DHRS11: variants seen among roughly 807,000 people sequenced by gnomAD.
DHRS11 encodes dehydrogenase/reductase 11.
Under a neutral mutation model 30.7 loss-of-function variants are expected in DHRS11, and 18 were observed. That is an observed-to-expected ratio of 0.59 (90% CI 0.41 to 0.87). The LOEUF (loss-of-function observed/expected upper bound fraction) is 0.87. Ranked by LOEUF, DHRS11 falls within the 40% of genes least tolerant of loss-of-function variation. DHRS11 has a pLI of 0.00. For synonymous variants in DHRS11, 123 were observed against 139.6 expected, an observed-to-expected ratio of 0.88 and a Z score of 0.84; for missense variants, 300 against 349.0, an observed-to-expected ratio of 0.86 and a Z score of 1.12.
chr17:36,596,541 C>T lies in DHRS11; in HGVS notation c.357+1361C>T, dbSNP rs8080384. The T allele has an allele frequency of 8.8e-3, 1,884 of 214,354 alleles. 27 individuals carry two copies. The highest frequency in any genetic ancestry group is 0.04 in the African/African-American group (1,737 of 43,334). The allele number at this position is 214,354 out of a possible 1,614,324, so 13.3% of individuals were successfully genotyped here. A position where few individuals can be genotyped will look rare whatever the true frequency, so the allele number is the denominator to read the frequency against. On this transcript the variant is annotated intron_variant, in intron 2 of 6. Transcript: ENST00000618403. ...ACTCCCATTCACTAAAATGACAGCT[C>T]CATGAGGGCAAGTATTTTATCTGTT...
chr17:36,593,198 C>T (rs1257077977), intron 1 of DHRS11, among the ~76,000 whole-genome samples: 1 of 152,190 alleles, frequency 6.6e-6, no homozygotes, highest in Admixed American at 6.5e-5. Context: ...TGCCTTCTCA[C>T]CTACTCCCCT....
rs1331053366 is a variant in DHRS11 at position 36,594,726 on chromosome 17, TTA to T, written c.148-242_148-241del. On this transcript the variant is annotated intron_variant, in intron 1 of 6. Transcript: ENST00000618403. ...CACCACGCCCAGCCAGGACTTGAGT[TTA>T]TAGTGAGGTTTCTCCATTGATAACA... 7 of 583,158 alleles carry T rather than the reference TTA, an allele frequency of 1.2e-5. No homozygotes were observed. The Admixed American group carries it at 2.1e-4, about 17-fold the overall frequency. 36.1% of individuals were successfully genotyped at this position (583,158 alleles called of 1,614,324 possible).
intron 2 of DHRS11, 132 bp from the exon 3 acceptor site, chr17:36,598,031 C>T: frequency 1.2e-6 from 1 of 858,722 alleles, no homozygotes; most frequent in South Asian, 1.4e-5. Flanking sequence ...GTGCCTGTGG[C>T]TGGTCTCCGG....
At chr17:36,594,332 G>A (rs888428817) in intron 1 of DHRS11, among the ~76,000 whole-genome samples, 2 of 152,142 alleles carry the variant, frequency 1.3e-5, no homozygotes, top group African/African-American at 4.8e-5. Flanking sequence ...TATTACCTAT[G>A]GGCAGAAGAG....
chr17:36,593,952 C>T (rs376274787), intron 1 of DHRS11, among the ~76,000 whole-genome samples: 1 of 152,364 alleles, frequency 6.6e-6, no homozygotes, highest in African/African-American at 2.4e-5. Context: ...CTCAGTGGCT[C>T]TGCCTTCTCA....
intron 4 of DHRS11, 108 bp from the exon 5 acceptor site, chr17:36,599,563 G>C (rs567201307): frequency 2.7e-6 from 3 of 1,127,986 alleles, no homozygotes; most frequent in Non-Finnish European, 2.6e-6. Flanking sequence ...CGGATATCAG[G>C]CAGCCATCAC....
At chr17:36,597,117 A>G (rs780612854) in intron 2 of DHRS11, 58 of 272,548 alleles carry the variant, frequency 2.1e-4, no homozygotes, top group Non-Finnish European at 3.4e-4. Flanking sequence ...CAGGGGATCT[A>G]TTTCTCCCAC....
rs1264083576 is a variant in DHRS11, at chr17:36,591,904, A to C, written c.-106A>C. On this transcript the variant is annotated 5_prime_UTR_variant, in exon 1 of 7. Coordinates refer to ENST00000618403, the MANE Select transcript of DHRS11 (RefSeq NM_024308.4). ...GGGACTCTGGTGGGTCTAGGCGCGG[A>C]TCGGACCCAAGCAGGTCGGCGGCGG... 11 of 1,150,922 alleles carry C rather than the reference A, an allele frequency of 9.6e-6. No homozygotes were observed. The highest frequency in any genetic ancestry group is 3.4e-5 in the East Asian group (1 of 29,172). The allele number at this position is 1,150,922 out of a possible 1,614,324, so 71.3% of individuals were successfully genotyped here. A position where few individuals can be genotyped will look rare whatever the true frequency, so the allele number is the denominator to read the frequency against.
intron 1 of DHRS11, chr17:36,594,513 A>C (rs2074793413): frequency 5.0e-6 from 1 of 200,954 alleles, no homozygotes; most frequent in Admixed American, 5.2e-5. Context: ...AGCTCCTGCA[A>C]CCTCCGCCTC....
intron 1 of DHRS11, among the ~76,000 whole-genome samples, chr17:36,593,597 G>A (rs1289726693): frequency 6.6e-6 from 1 of 152,200 alleles, no homozygotes; most frequent in Non-Finnish European, 1.5e-5. Context: ...GAAAACTCCT[G>A]TTTCCTGAAG....
intron 4 of DHRS11, chr17:36,599,426 G>A: frequency 1.7e-6 from 1 of 579,186 alleles, no homozygotes; most frequent in South Asian, 2.2e-5. Flanking sequence ...TTGTGAAAAG[G>A]AGATGATGAG....
At chr17:36,599,213 C>A in intron 4 of DHRS11, 163 bp downstream of exon 4, 2 of 1,090,950 alleles carry the variant, frequency 1.8e-6, no homozygotes, top group Non-Finnish European at 2.5e-6. Context: ...CCCTATGCAG[C>A]CCTTCATTTC....
Position 36,600,240 on chromosome 17 carries a change from A to T in DHRS11, c.*37A>T. ...GCTCCTCCTTCCCTCCCCACCCTTC[A>T]TGGCTTGCCTCCTGCCTCTGGATTT... On this transcript the variant is annotated 3_prime_UTR_variant, in exon 7 of 7. Coordinates refer to ENST00000618403, the MANE Select transcript of DHRS11 (RefSeq NM_024308.4). The T allele has an allele frequency of 3.1e-6, 5 of 1,613,452 alleles. No individual in the cohort carries two copies. Among genetic ancestry groups the T allele is most frequent in the Non-Finnish European group, 4.2e-6 (5 of 1,179,590 alleles).
At position 36,600,013 on chromosome 17, in the gene DHRS11, C is replaced by T. The variant is rs766250459; in HGVS notation, c.717C>T (p.Val239=). Residue 239 remains valine, a synonymous_variant, in exon 6 of 7, where the codon GTC becomes GTT. Transcript: ENST00000618403. ...ATGTGGCCGAGGCTGTTATCTACGTCCTCAGCACCCCCGCACACATCCAGG... is the reference window on the plus strand; with the variant it reads ...ATGTGGCCGAGGCTGTTATCTACGTTCTCAGCACCCCCGCACACATCCAGG... ...PEDVAEAVIY[V]LSTPAHIQIG... 6.2e-7 allele frequency: 1 copy of T among 1,613,870 alleles called. No homozygotes were observed. Among genetic ancestry groups the T allele is most frequent in the Non-Finnish European group, 8.5e-7 (1 of 1,179,944 alleles).
intron 2 of DHRS11, among the ~76,000 whole-genome samples, chr17:36,595,668 C>T (rs1047398402): frequency 2.4e-4 from 36 of 152,088 alleles, no homozygotes; most frequent in African/African-American, 8.2e-4. Flanking sequence ...GGTGATCTGC[C>T]CATGTTGGCC....
intron 4 of DHRS11, 46 bp downstream of exon 4, chr17:36,599,096 C>T (rs2074835248): frequency 1.3e-6 from 2 of 1,591,952 alleles, no homozygotes; most frequent in Admixed American, 1.7e-5. Context: ...GGCGCAGGCC[C>T]TCCCCACCCA....
rs936767389 is a variant in DHRS11, at chr17:36,600,804, A to G, written c.*601A>G. On this transcript the variant is annotated 3_prime_UTR_variant, in exon 7 of 7. Transcript: ENST00000618403. ...CATTAAAAAAGAAAAATCGCAACCA[A>G]TCTGCCTTGGCTTCAGGAGTGTCTT... The G allele has an allele frequency of 8.4e-5, 13 of 154,470 alleles. No homozygotes were observed. The highest frequency in any genetic ancestry group is 1.3e-4 in the Admixed American group (2 of 15,554). 9.6% of individuals were successfully genotyped at this position (154,470 alleles called of 1,614,324 possible).
At chr17:36,598,472 G>GCCTGGGGCCTCT in intron 3 of DHRS11, 1 of 588,056 alleles carries the variant, frequency 1.7e-6, no homozygotes, top group Non-Finnish European at 3.0e-6. Flanking sequence ...TACAGCTGAA[G>GCCTGGGGCCTCT]CCTGGGGCCT....
At chr17:36,599,507 A>G in intron 4 of DHRS11, 164 bp from the exon 5 acceptor site, 1 of 653,678 alleles carries the variant, frequency 1.5e-6, no homozygotes, top group Non-Finnish European at 2.7e-6. Context: ...GGTAGGTATC[A>G]TTGTGGTCAC....
Sources: allele counts gnomAD v4.1 joint callset (sites outside exome capture counted in the v4.1 genomes callset), GRCh38; gene constraint gnomAD v4.1.1; transcripts MANE v1.5; gene names NCBI Gene and HGNC (gene_info 2026-07-23, HGNC 2026-07-21).